Variants in CNTN5 observed in about 807,000 individuals in gnomAD.
CNTN5 encodes the protein contactin 5.
CNTN5 carries 77 observed loss-of-function variants against 129.1 expected under a neutral mutation model. That is an observed-to-expected ratio of 0.60 (90% CI 0.50 to 0.72). The LOEUF is 0.72. Among genes scored for constraint, CNTN5 ranks in the 30% least tolerant of loss-of-function variants. The pLI, the probability that CNTN5 is intolerant of heterozygous loss-of-function variation, is 0.00. For synonymous variants in CNTN5, 509 were observed against 465.6 expected (o/e 1.09, Z -1.20); for missense variants, 1,478 against 1,328.8 (o/e 1.11, Z -1.75).
intron 3 of CNTN5, among the ~76,000 whole-genome samples, chr11:99,595,772 A>G (rs777196961): frequency 1.3e-5 from 2 of 151,928 alleles, no homozygotes; most frequent in Non-Finnish European, 2.9e-5. Flanking sequence ...ATATATATAT[A>G]TATGACTGTA....
intron 3 of CNTN5, among the ~76,000 whole-genome samples, chr11:99,703,215 A>G (rs149496168): frequency 2.0e-5 from 3 of 146,998 alleles, no homozygotes; most frequent in East Asian, 2.1e-4. Context: ...ATACATATCA[A>G]AGGTATTTGG....
chr11:99,034,606 G>A (rs7396821), intron 1 of CNTN5, among the ~76,000 whole-genome samples: 10,312 of 149,630 alleles, frequency 0.069, 595 homozygotes, highest in East Asian at 0.21. Context: ...CTGTGGGATC[G>A]GTGGTGATAA....
intron 2 of CNTN5, among the ~76,000 whole-genome samples, chr11:99,483,035 G>A (rs1247976766): frequency 1.3e-5 from 2 of 151,792 alleles, no homozygotes; most frequent in African/African-American, 2.4e-5. Flanking sequence ...TTAGCTGGGC[G>A]TGGGGTGGCC....
chr11:100,069,911 T>TA (rs956251134), intron 10 of CNTN5, among the ~76,000 whole-genome samples: 5 of 151,008 alleles, frequency 3.3e-5, no homozygotes, highest in African/African-American at 1.2e-4. Flanking sequence ...TTTGCACAAA[T>TA]AAAAAAATTA....
chr11:99,948,605 T>C (rs1053894303), intron 7 of CNTN5, among the ~76,000 whole-genome samples: 2 of 152,248 alleles, frequency 1.3e-5, no homozygotes, highest in Non-Finnish European at 2.9e-5. Context: ...TTTCCTTTTC[T>C]CTTTTCAAAT....
At chr11:99,536,269 T>G (rs1947896953) in intron 2 of CNTN5, among the ~76,000 whole-genome samples, 2 of 152,250 alleles carry the variant, frequency 1.3e-5, no homozygotes, top group South Asian at 2.1e-4. Flanking sequence ...AATCTTTTTT[T>G]TATTGAAATT....
chr11:100,189,533 T>C (rs533483202), intron 13 of CNTN5, among the ~76,000 whole-genome samples: 152 of 152,256 alleles, frequency 1.0e-3, no homozygotes, highest in Non-Finnish European at 1.6e-3. Flanking sequence ...ATCCACATAA[T>C]TTCAAGATAT....
chr11:99,972,900 A>G (rs1937670595), intron 8 of CNTN5, among the ~76,000 whole-genome samples: 2 of 152,088 alleles, frequency 1.3e-5, no homozygotes, highest in Admixed American at 6.6e-5. Flanking sequence ...TATATTCAGT[A>G]TATTTTAATT....
chr11:99,958,238 G>A (rs1950854151), intron 8 of CNTN5, among the ~76,000 whole-genome samples: 1 of 152,196 alleles, frequency 6.6e-6, no homozygotes, highest in Admixed American at 6.5e-5. Flanking sequence ...AGCAGTGATG[G>A]TAGCACTGGA....
chr11:99,888,961 T>C (rs1948973283), intron 6 of CNTN5, among the ~76,000 whole-genome samples: 1 of 146,068 alleles, frequency 6.8e-6, no homozygotes, highest in Non-Finnish European at 1.5e-5. Flanking sequence ...TATAAAATGC[T>C]TAACATTGTC....
At chr11:99,117,499 T>G (rs1858098750) in intron 1 of CNTN5, among the ~76,000 whole-genome samples, 1 of 152,184 alleles carries the variant, frequency 6.6e-6, no homozygotes, top group African/African-American at 2.4e-5. Flanking sequence ...TGCAATATTA[T>G]AATGTGAAAT....
At chr11:99,793,889 A>G (rs993083840) in intron 3 of CNTN5, among the ~76,000 whole-genome samples, 20 of 152,096 alleles carry the variant, frequency 1.3e-4, no homozygotes, top group African/African-American at 4.6e-4. Flanking sequence ...TACATAATCT[A>G]TTGTTTTTGT....
In CNTN5 at chr11:99,230,310, T is replaced by A. The variant is rs138968751; in HGVS notation, c.-209-95036T>A. ...ATTTTTTGGGAAATAAATAAAAGTG[T>A]GTATATATAGATACAGATTTAGATA... On this transcript the variant is annotated intron_variant, in intron 1 of 24. Coordinates refer to ENST00000524871, the MANE Select transcript of CNTN5 (RefSeq NM_014361.4). Among the ~76,000 whole-genome samples, 521 of 152,150 alleles carry A rather than the reference T, an allele frequency of 3.4e-3. 4 individuals carry two copies. Among genetic ancestry groups the A allele is most frequent in the African/African-American group, 0.012 (509 of 41,524 alleles).
intron 3 of CNTN5, among the ~76,000 whole-genome samples, chr11:99,711,344 C>G (rs1954979198): frequency 6.6e-6 from 1 of 151,830 alleles, no homozygotes; most frequent in Admixed American, 6.6e-5. Context: ...TATTGTTATT[C>G]ATGGTTTAAT....
chr11:99,682,601 C>T (rs200841999), intron 3 of CNTN5, among the ~76,000 whole-genome samples: 1 of 151,836 alleles, frequency 6.6e-6, no homozygotes, highest in East Asian at 1.9e-4. Context: ...AAAATGAAAG[C>T]ACCAAACCCA....
chr11:99,754,491 C>T (rs1944346937), intron 3 of CNTN5, among the ~76,000 whole-genome samples: 1 of 152,160 alleles, frequency 6.6e-6, no homozygotes, highest in Admixed American at 6.5e-5. Flanking sequence ...TCAACTTGTA[C>T]TCCTAAAAGT....
At chr11:99,829,898 C>A (rs1947083693) in intron 4 of CNTN5, among the ~76,000 whole-genome samples, 1 of 152,098 alleles carries the variant, frequency 6.6e-6, no homozygotes, top group Non-Finnish European at 1.5e-5. Flanking sequence ...GGATTATTAA[C>A]CAGAGCTGAC....
intron 3 of CNTN5, among the ~76,000 whole-genome samples, chr11:99,653,776 A>G (rs1377969702): frequency 6.6e-6 from 1 of 152,082 alleles, no homozygotes; most frequent in Non-Finnish European, 1.5e-5. Context: ...TTCTCATCAG[A>G]TCTTTGCTAT....
At chr11:99,083,723 A>G (rs1865895629) in intron 1 of CNTN5, among the ~76,000 whole-genome samples, 1 of 152,172 alleles carries the variant, frequency 6.6e-6, no homozygotes, top group Non-Finnish European at 1.5e-5. Context: ...TGGAGAAAAC[A>G]TTAGTTGTTT....
Sources: allele counts gnomAD v4.1 joint callset (sites outside exome capture counted in the v4.1 genomes callset), GRCh38; gene constraint gnomAD v4.1.1; transcripts MANE v1.5; gene names NCBI Gene and HGNC (gene_info 2026-07-23, HGNC 2026-07-21).